CAMTA1: variants seen among roughly 807,000 people sequenced by gnomAD.
CAMTA1 encodes calmodulin binding transcription activator 1.
A neutral mutation model predicts 170.9 loss-of-function variants in CAMTA1; 27 were observed. That is an observed-to-expected ratio of 0.16 (90% CI 0.12 to 0.22). The LOEUF (loss-of-function observed/expected upper bound fraction) is 0.22. Ranked by LOEUF, CAMTA1 falls within the 10% of genes least tolerant of loss-of-function variation. The pLI is 1.00. For synonymous variants in CAMTA1, 833 were observed against 891.5 expected, an observed-to-expected ratio of 0.93 and a Z score of 1.17; for missense variants, 1,619 against 2,217.2, an observed-to-expected ratio of 0.73 and a Z score of 5.42.
At chr1:7,529,951 A>G (rs1376770723) in intron 6 of CAMTA1, among the ~76,000 whole-genome samples, 1 of 152,208 alleles carries the variant, frequency 6.6e-6, no homozygotes, top group Non-Finnish European at 1.5e-5. Context: ...ACAGGTGGGC[A>G]TTCTTGGAGG....
At chr1:7,097,318 G>A (rs1192769655) in intron 4 of CAMTA1, among the ~76,000 whole-genome samples, 2 of 152,238 alleles carry the variant, frequency 1.3e-5, no homozygotes, top group Admixed American at 1.3e-4. Flanking sequence ...GGCGGACAGA[G>A]TGTGGATGCA....
chr1:7,700,473 T>C (rs2149492067), intron 11 of CAMTA1, among the ~76,000 whole-genome samples: 1 of 152,370 alleles, frequency 6.6e-6, no homozygotes, highest in African/African-American at 2.4e-5. Flanking sequence ...TGATTTCTTA[T>C]CAGACAGGAG....
chr1:7,154,880 G>A (rs1646774225), intron 4 of CAMTA1, among the ~76,000 whole-genome samples: 2 of 152,210 alleles, frequency 1.3e-5, no homozygotes, highest in South Asian at 2.1e-4. Flanking sequence ...GGGAGAGCAG[G>A]TCTGTTTCCC....
At chr1:7,731,360 T>G (rs138573514) in intron 11 of CAMTA1, among the ~76,000 whole-genome samples, 2,282 of 151,688 alleles carry the variant, frequency 0.015, 54 homozygotes, top group African/African-American at 0.052. Flanking sequence ...GATCACGAGG[T>G]CAGGAGTTCA....
At chr1:7,077,598 GTTTT>G (rs1639470574) in intron 3 of CAMTA1, among the ~76,000 whole-genome samples, 1 of 152,086 alleles carries the variant, frequency 6.6e-6, no homozygotes, top group African/African-American at 2.4e-5. Flanking sequence ...AAGATAGGAG[GTTTT>G]GATCAATGGT....
intron 6 of CAMTA1, among the ~76,000 whole-genome samples, chr1:7,632,310 G>A (rs560836672): frequency 3.9e-5 from 6 of 152,292 alleles, no homozygotes; most frequent in Admixed American, 1.3e-4. Flanking sequence ...CGCCCCCCGC[G>A]CCCCCAGCGG....
chr1:6,984,745 G>A (rs192719943), intron 3 of CAMTA1, among the ~76,000 whole-genome samples: 84 of 152,312 alleles, frequency 5.5e-4, no homozygotes, highest in Admixed American at 2.9e-3. Flanking sequence ...CATCTGCATC[G>A]TCTTTCCTCA....
intron 3 of CAMTA1, among the ~76,000 whole-genome samples, chr1:6,955,178 G>C (rs1054191196): frequency 6.6e-6 from 1 of 151,998 alleles, no homozygotes; most frequent in African/African-American, 2.4e-5. Context: ...TGGGGGGTTG[G>C]GGGAGCAGGG....
intron 3 of CAMTA1, among the ~76,000 whole-genome samples, chr1:6,839,843 C>G (rs755651236): frequency 1.3e-5 from 2 of 152,164 alleles, no homozygotes; most frequent in African/African-American, 2.4e-5. Flanking sequence ...GTGTGGGGAT[C>G]TGGCAGATGA....
chr1:7,464,992 G>T (rs546651529), intron 5 of CAMTA1, among the ~76,000 whole-genome samples: 1 of 152,142 alleles, frequency 6.6e-6, no homozygotes, highest in Non-Finnish European at 1.5e-5. Context: ...ACAGCAAAGC[G>T]CGACTCCACA....
In CAMTA1 at chr1:7,592,498, AG is replaced by A. The variant is rs759521914; in HGVS notation, c.511-47899del. ...ATGATTCCAAGCATGAGACATAGGT[AG>A]GGTCCTATTGGAATGGGCCAGCACC... On this transcript the variant is annotated intron_variant, in intron 6 of 22. Transcript: ENST00000303635. This position sits in a 1 kb window ranked among gnomAD's most constrained non-coding sequence, Gnocchi z 4.6. 2.0e-5 allele frequency among the ~76,000 whole-genome samples: 3 copies of A among 152,164 alleles called. No individual in the cohort carries two copies. Among genetic ancestry groups the A allele is most frequent in the Non-Finnish European group, 4.4e-5 (3 of 68,014 alleles).
chr1:7,333,651 G>C lies in CAMTA1; in HGVS notation c.438+84025G>C, dbSNP rs981088985. 2.6e-5 allele frequency among the ~76,000 whole-genome samples: 4 copies of C among 152,212 alleles called. No homozygotes were observed. The highest frequency in any genetic ancestry group is 9.6e-5 in the African/African-American group (4 of 41,454). On this transcript the variant is annotated intron_variant, in intron 5 of 22. Coordinates refer to ENST00000303635, the MANE Select transcript of CAMTA1 (RefSeq NM_015215.4). The surrounding 1 kb of genome is among the most constrained non-coding windows in gnomAD (Gnocchi z 4.4). ...CGTCCCAGCTTCTAGGGAGGCTGGG[G>C]TTACAGCCTCCGCCATGTTGCAGAT...
intron 5 of CAMTA1, among the ~76,000 whole-genome samples, chr1:7,420,495 G>A (rs1393018474): frequency 6.6e-6 from 1 of 152,104 alleles, no homozygotes; most frequent in East Asian, 1.9e-4. Flanking sequence ...TGGCACTCAG[G>A]AAATCATGTC....
rs1423771159 is a variant in CAMTA1, at chr1:7,642,620, C to A, written c.664+2067C>A. On this transcript the variant is annotated intron_variant, in intron 7 of 22. Coordinates refer to ENST00000303635, the MANE Select transcript of CAMTA1 (RefSeq NM_015215.4). The surrounding 1 kb of genome is among the most constrained non-coding windows in gnomAD (Gnocchi z 6.3). ...CTCTGCCGCAGAGCCTCAGCTGGGC[C>A]AGCGCTATGACTGCTGACCAGGAAT... Among the ~76,000 whole-genome samples, 1 of 152,162 alleles carries A rather than the reference C, an allele frequency of 6.6e-6. No individual in the cohort carries two copies. The highest frequency in any genetic ancestry group is 1.9e-4 in the East Asian group (1 of 5,200).
At chr1:6,787,579 G>C (rs1241866161) in intron 1 of CAMTA1, among the ~76,000 whole-genome samples, 3 of 152,200 alleles carry the variant, frequency 2.0e-5, no homozygotes, top group Admixed American at 6.5e-5. Flanking sequence ...TGCATATGGG[G>C]ACCTTTATGT....
intron 3 of CAMTA1, among the ~76,000 whole-genome samples, chr1:6,993,660 T>C (rs918581751): frequency 6.6e-6 from 1 of 152,236 alleles, no homozygotes; most frequent in Non-Finnish European, 1.5e-5. Flanking sequence ...AAGTCTACGC[T>C]ACATAGCCAT....
chr1:7,007,969 T>C lies in CAMTA1; in HGVS notation c.235-83335T>C, dbSNP rs1470644108. Among the ~76,000 whole-genome samples, 2 of 152,168 alleles carry C rather than the reference T, an allele frequency of 1.3e-5. No individual in the cohort carries two copies. The highest frequency in any genetic ancestry group is 4.8e-5 in the African/African-American group (2 of 41,444). ...CCCTGCGTGGAAAGGGAGGCCCGTG[T>C]TGGTGCCCTGTCCTCATCCAGTGGG... On this transcript the variant is annotated intron_variant, in intron 3 of 22. Coordinates refer to ENST00000303635, the MANE Select transcript of CAMTA1 (RefSeq NM_015215.4). This position sits in a 1 kb window ranked among gnomAD's most constrained non-coding sequence, Gnocchi z 4.5.
Position 7,664,920 on chromosome 1 carries a change from T to C in CAMTA1, c.2373T>C (p.Tyr791=), listed in dbSNP as rs750270915. Residue 791 remains tyrosine (Y), a synonymous_variant, in exon 9 of 23, where the codon TAT becomes TAC. Coordinates refer to ENST00000303635, the MANE Select transcript of CAMTA1 (RefSeq NM_015215.4). ...ISVEGGSSTI[Y]GHQLVSGDST... ...TGGAGGGGGGCAGCAGCACCATCTA[T>C]GGGCACCAGCTGGTGTCGGGGGACA... is the stretch of plus-strand genomic sequence containing the variant. 6 of 1,613,112 alleles carry C rather than the reference T, an allele frequency of 3.7e-6. No individual in the cohort carries two copies. The highest frequency in any genetic ancestry group is 3.3e-5 in the Admixed American group (2 of 60,034).
intron 6 of CAMTA1, among the ~76,000 whole-genome samples, chr1:7,499,327 TAC>T (rs1219745521): frequency 1.5e-5 from 2 of 131,468 alleles, no homozygotes; most frequent in African/African-American, 5.9e-5. Flanking sequence ...TGCATGTGTG[TAC>T]ATGTGTGTAG....
Sources: gnomAD v4.1 joint callset for allele counts (sites outside exome capture counted in the v4.1 genomes callset) on GRCh38, gnomAD v4.1.1 for gene constraint, Gnocchi (gnomAD v3.1) non-coding constraint, MANE v1.5 for transcripts, NCBI Gene and HGNC (gene_info 2026-07-23, HGNC 2026-07-21) for gene names.